POLG2: variants seen among roughly 807,000 people sequenced by gnomAD.
POLG2 encodes DNA polymerase subunit gamma-2.
In POLG2, 50 loss-of-function variants were observed where a neutral mutation model predicts 56.5. That is an observed-to-expected ratio of 0.88 (90% CI 0.71 to 1.12). The LOEUF (loss-of-function observed/expected upper bound fraction) is 1.12. Among genes scored for constraint, POLG2 ranks in the 50% most tolerant of loss-of-function variants. POLG2 has a pLI of 0.00. For missense variants in POLG2, 584 were observed against 583.3 expected (o/e 1.00, Z -0.01); for synonymous variants, 226 against 222.6 (o/e 1.02, Z -0.14).
Position 64,482,119 on chromosome 17 carries a change from T to C in POLG2, c.1191+800A>G, listed in dbSNP as rs1004913653. Among the ~76,000 whole-genome samples, 630 of 145,256 alleles carry C rather than the reference T, an allele frequency of 4.3e-3. 5 individuals are homozygous for C. The highest frequency in any genetic ancestry group is 0.015 in the African/African-American group (581 of 39,182). On this transcript the variant is annotated intron_variant, in intron 6 of 7. Coordinates refer to ENST00000539111, the MANE Select transcript of POLG2 (RefSeq NM_007215.4). ...AGCTTTTTTTTTTTTTTTTTTTTTT[T>C]CTGAAGCAGGGTCTTGCTCTGTCAC...
intron 1 of POLG2, among the ~76,000 whole-genome samples, chr17:64,493,816 AAAT>A (rs2144205634): frequency 6.6e-6 from 1 of 152,328 alleles, no homozygotes; most frequent in East Asian, 1.9e-4. Context: ...AAAGTTGAAA[AAAT>A]AATAAACATC....
intron 4 of POLG2, among the ~76,000 whole-genome samples, chr17:64,489,641 T>A (rs982126865): frequency 6.6e-6 from 1 of 152,092 alleles, no homozygotes; most frequent in Non-Finnish European, 1.5e-5. Context: ...ATGCTTGTAG[T>A]CCTAGCTACT....
rs781987286 is a variant in POLG2 at position 64,479,183 on chromosome 17, G to GTT, written c.1292+1104_1292+1105dup. Among the ~76,000 whole-genome samples, 162 of 126,906 alleles carry GTT rather than the reference G, an allele frequency of 1.3e-3. 1 individual carries two copies. The highest frequency in any genetic ancestry group is 3.5e-3 in the African/African-American group (119 of 34,038). 83.3% of individuals were successfully genotyped at this position (126,906 alleles called of 152,430 possible). The stretch of plus-strand genomic sequence containing the variant: ...TTTCTTTGGACATCATCTGAAAGGT[G>GTT]TTTTTTTTTTTTTTTTTTGAGAAGG... On this transcript the variant is annotated intron_variant, in intron 7 of 7. Transcript: ENST00000539111.
Position 64,480,342 on chromosome 17 carries a change from C to T in POLG2, c.1239G>A (p.Val413=). The T allele has an allele frequency of 6.2e-7, 1 of 1,601,354 alleles. No homozygotes were observed. The highest frequency in any genetic ancestry group is 8.5e-7 in the Non-Finnish European group (1 of 1,169,764). The change falls in exon 7 of 8, where the codon GTG becomes GTA. Residue 413 remains valine (V), a synonymous_variant. Coordinates refer to ENST00000539111, the MANE Select transcript of POLG2 (RefSeq NM_007215.4). The part of the protein sequence containing the change: ...FNELLENGIS[V]WPGYLETMQS... ...GCATAGTTTCCAAATAACCAGGCCA[C>T]ACAGAAATCCCATTTTCTAGTAACT...
intron 5 of POLG2, chr17:64,485,397 T>G (rs1219052760): frequency 6.5e-6 from 2 of 306,670 alleles, no homozygotes; most frequent in Non-Finnish European, 1.2e-5. Flanking sequence ...TCCGGGTCTT[T>G]CTTCCTCCTA....
At chr17:64,487,749 C>T (rs1555667753) in intron 4 of POLG2, among the ~76,000 whole-genome samples, 4 of 152,154 alleles carry the variant, frequency 2.6e-5, no homozygotes, top group Non-Finnish European at 5.9e-5. Context: ...CTCCTGTAAT[C>T]CTAGCACTTT....
rs1568090396 is a variant in POLG2 at position 64,492,715 on chromosome 17, GT to G, written c.746del (p.Asn249ThrfsTer20). On this transcript the variant is annotated frameshift_variant, in exon 3 of 8. Transcript: ENST00000539111. LOFTEE classifies it high-confidence loss of function. ...GACGTAACCAGAAATCAAGCCACTG[GT>G]TTGAAGTTCTCGGAGGAGTAAACCA... is the stretch of plus-strand genomic sequence containing the variant. ...LVWFTPPRTS[N>X]QWLDFWLRHR... The G allele has an allele frequency of 1.9e-6, 3 of 1,613,152 alleles. No individual in the cohort carries two copies. The highest frequency in any genetic ancestry group is 1.3e-5 in the African/African-American group (1 of 74,818).
chr17:64,485,620 T>G (rs2037936392), intron 5 of POLG2, 108 bp downstream of exon 5: 1 of 941,940 alleles, frequency 1.1e-6, no homozygotes, highest in Admixed American at 1.8e-5. Context: ...CTACATGCAC[T>G]AAATTTATTA....
Position 64,477,936 on chromosome 17 carries a change from C to A in POLG2, c.1345G>T (p.Glu449Ter). Residue 449 changes from glutamate to a stop codon, truncating the protein, a stop_gained, in exon 8 of 8, where the codon GAG becomes TAG. Coordinates refer to ENST00000539111, the MANE Select transcript of POLG2 (RefSeq NM_007215.4). LOFTEE classifies it high-confidence loss of function. ...FTVLVTETTL[E>*]NGLIHLRSRD... The stretch of plus-strand genomic sequence containing the variant: ...CTTCTCAGATGTATTAATCCATTCT[C>A]CAAAGTAGTTTCAGTAACCAAAACT... The A allele has an allele frequency of 6.2e-7, 1 of 1,613,918 alleles. No homozygotes were observed.
chr17:64,488,391 T>C (rs2144171882), intron 4 of POLG2, among the ~76,000 whole-genome samples: 1 of 152,100 alleles, frequency 6.6e-6, no homozygotes, highest in South Asian at 2.1e-4. Flanking sequence ...TCTTCATTAG[T>C]GAAAATGATA....
chr17:64,488,834 G>A (rs1555667984), intron 4 of POLG2, among the ~76,000 whole-genome samples: 3 of 152,048 alleles, frequency 2.0e-5, no homozygotes, highest in African/African-American at 7.2e-5. Flanking sequence ...CGGGCGTGGT[G>A]GCGCACACCT....
intron 6 of POLG2, among the ~76,000 whole-genome samples, chr17:64,482,173 G>A (rs1016202103): frequency 7.7e-5 from 10 of 129,202 alleles, no homozygotes; most frequent in Non-Finnish European, 1.1e-4. Context: ...CTGCGATCTC[G>A]GCTCACTGCA....
chr17:64,481,990 A>C (rs2037865076), intron 6 of POLG2, among the ~76,000 whole-genome samples: 1 of 152,142 alleles, frequency 6.6e-6, no homozygotes, highest in African/African-American at 2.4e-5. Flanking sequence ...TGAAACTATG[A>C]ATGGGCATGA....
intron 3 of POLG2, among the ~76,000 whole-genome samples, chr17:64,491,176 G>A (rs2038052369): frequency 6.6e-6 from 1 of 152,106 alleles, no homozygotes; most frequent in South Asian, 2.1e-4. Context: ...AGGTTAGAGT[G>A]CAGTGGCTAG....
At chr17:64,486,375 A>T (rs1162787536) in intron 4 of POLG2, among the ~76,000 whole-genome samples, 1,709 of 128,922 alleles carry the variant, frequency 0.013, 28 homozygotes, top group Non-Finnish European at 0.02. Context: ...TTTTTTTTTT[A>T]ATACAGACAG....
chr17:64,477,941 G>C lies in POLG2; in HGVS notation c.1340C>G (p.Thr447Ser), dbSNP rs781830806. ...ILFTVLVTET[T>S]LENGLIHLRS... ...CAGATGTATTAATCCATTCTCCAAA[G>C]TAGTTTCAGTAACCAAAACTGTGAA... The change falls in exon 8 of 8, where the codon ACT (threonine) becomes AGT (serine). Residue 447 changes from threonine to serine, a missense_variant. Physicochemically the swap from Thr to Ser is moderately conservative, Grantham distance 58 (BLOSUM62 1). Transcript: ENST00000539111. 3 of 1,613,918 alleles carry C rather than the reference G, an allele frequency of 1.9e-6. No individual in the cohort carries two copies. The Admixed American group carries it at 5.0e-5, about 27-fold the overall frequency.
At position 64,496,581 on chromosome 17, in the gene POLG2, C is replaced by T; in HGVS notation, c.388G>A (p.Ala130Thr). ...VFREQVFPVD[A>T]LHHKPGPLLP... ...AAAGGGCCTGGTTTGTGGTGGAGGG[C>T]GTCCACCGGGAATACCTGCTCCCTG... Residue 130 changes from alanine (A) to threonine (T), a missense_variant, in exon 1 of 8, where the codon GCC (alanine) becomes ACC (threonine). Transcript: ENST00000539111. The T allele has an allele frequency of 1.9e-6, 3 of 1,613,612 alleles. No homozygotes were observed. The highest frequency in any genetic ancestry group is 2.2e-5 in the East Asian group (1 of 44,870).
chr17:64,493,777 C>T (rs1301675903), intron 1 of POLG2, among the ~76,000 whole-genome samples: 6 of 152,192 alleles, frequency 3.9e-5, no homozygotes, highest in South Asian at 2.1e-4. Context: ...TGAGCCACCG[C>T]GCCCGACAAA....
chr17:64,483,410 G>A lies in POLG2; in HGVS notation c.1111-411C>T, dbSNP rs2037896029. ...CATACCTGTAGTCCCAGCTACTCAG[G>A]CGGCTGAGGTGGGAAGAATGCTTGA... On this transcript the variant is annotated intron_variant, in intron 5 of 7. Coordinates refer to ENST00000539111, the MANE Select transcript of POLG2 (RefSeq NM_007215.4). Among the ~76,000 whole-genome samples the A allele has an allele frequency of 1.3e-5, 2 of 151,294 alleles. 1 individual carries two copies. The highest frequency in any genetic ancestry group is 4.1e-4 in the South Asian group (2 of 4,826).
Sources: allele counts gnomAD v4.1 joint callset (sites outside exome capture counted in the v4.1 genomes callset), GRCh38; gene constraint gnomAD v4.1.1; transcripts MANE v1.5; gene names NCBI Gene and HGNC (gene_info 2026-07-23, HGNC 2026-07-21).